The following LRP2BP variants were observed in gnomAD, a reference collection of about 807,000 sequenced individuals.
LRP2BP encodes LRP2 binding protein.
LRP2BP carries 38 observed loss-of-function variants against 45.2 expected under a neutral mutation model. That is an observed-to-expected ratio of 0.84 (90% CI 0.65 to 1.10). The LOEUF (loss-of-function observed/expected upper bound fraction) is 1.10, where lower values mean the gene tolerates loss of function less well. Ranked by LOEUF, LRP2BP falls within the 50% of genes least tolerant of loss-of-function variation. LRP2BP has a pLI of 0.00. For missense variants in LRP2BP, 385 were observed against 418.9 expected (o/e 0.92, Z 0.71); for synonymous variants, 153 against 153.9 (o/e 0.99, Z 0.04).
upstream of LRP2BP, chr4:185,397,015 C>A (rs1469532294): frequency 1.2e-6 from 2 of 1,610,936 alleles, no homozygotes; most frequent in African/African-American, 1.3e-5. Flanking sequence ...GATTCGTCTT[C>A]TCGTTAATGC....
intron 7 of LRP2BP, 127 bp downstream of exon 7, chr4:185,372,729 C>T (rs1561077449): frequency 7.2e-6 from 5 of 697,372 alleles, no homozygotes; most frequent in African/African-American, 1.8e-5. Context: ...ACATGATGGT[C>T]CTCCCCTCTG....
At chr4:185,389,779 G>A (rs1291559896) in intron 1 of LRP2BP, among the ~76,000 whole-genome samples, 1 of 152,168 alleles carries the variant, frequency 6.6e-6, no homozygotes, top group East Asian at 1.9e-4. Flanking sequence ...ACACTGTACA[G>A]TAAACACATT....
chr4:185,382,935 A>G lies in LRP2BP; in HGVS notation c.-21-4728T>C, dbSNP rs531667667. Among the ~76,000 whole-genome samples, 5 of 152,320 alleles carry G rather than the reference A, an allele frequency of 3.3e-5. No homozygotes were observed. In the South Asian group the frequency reaches 6.2e-4, roughly 19 times the overall value. Reference sequence around the variant, plus strand: ...AAAGTTTACCCCTGTGCCTTCTTCTAAGAGTTTTATATTTACTCTTACATT... The same window carrying G: ...AAAGTTTACCCCTGTGCCTTCTTCTGAGAGTTTTATATTTACTCTTACATT... On this transcript the variant is annotated intron_variant, in intron 1 of 8. Transcript: ENST00000505916.
At chr4:185,372,552 G>A (rs1037515236) in intron 7 of LRP2BP, among the ~76,000 whole-genome samples, 9 of 152,200 alleles carry the variant, frequency 5.9e-5, no homozygotes, top group African/African-American at 2.2e-4. Flanking sequence ...TTACTGCTAT[G>A]GTTTGACTAG....
rs2095385352 is a variant in LRP2BP, at chr4:185,365,692, A to AAAT, written c.*1487_*1488insATT. On this transcript the variant is annotated 3_prime_UTR_variant, in exon 9 of 9. Transcript: ENST00000505916. ...GAGACTCCGTCTCAAAAAAAAAAAA[A>AAAT]TAATAATAATAATAATAATAATAAT... The AAAT allele has an allele frequency of 7.2e-6, 1 of 138,800 alleles. No homozygotes were observed. Among genetic ancestry groups the AAAT allele is most frequent in the African/African-American group, 2.8e-5 (1 of 35,602 alleles). 8.6% of individuals were successfully genotyped at this position (138,800 alleles called of 1,614,324 possible). A position where few individuals can be genotyped will look rare whatever the true frequency, so the allele number is the denominator to read the frequency against.
At chr4:185,380,756 CTA>C (rs2095453655) in intron 1 of LRP2BP, among the ~76,000 whole-genome samples, 1 of 152,156 alleles carries the variant, frequency 6.6e-6, no homozygotes, top group African/African-American at 2.4e-5. Flanking sequence ...AGGCCCCAAT[CTA>C]TTTCATTTTT....
intron 1 of LRP2BP, among the ~76,000 whole-genome samples, chr4:185,387,822 C>A (rs2095476101): frequency 6.6e-6 from 1 of 152,218 alleles, no homozygotes; most frequent in Non-Finnish European, 1.5e-5. Context: ...GAAGCCAGCC[C>A]CCAGCCCCGG....
rs571537533 is a variant in LRP2BP at position 185,388,889 on chromosome 4, T to A, written c.-22+5890A>T. 1.2e-4 allele frequency among the ~76,000 whole-genome samples: 19 copies of A among 152,188 alleles called. No homozygotes were observed. The East Asian group carries it at 1.5e-3, about 12-fold the overall frequency. On this transcript the variant is annotated intron_variant, in intron 1 of 8. Coordinates refer to ENST00000505916, the MANE Select transcript of LRP2BP (RefSeq NM_001377440.1). ...TAATAAAATAATAATAATTATTATT[T>A]TTTTTGAGACAGAGTCTTGCTCTGT...
At chr4:185,394,452 A>G (rs2095496574) in intron 1 of LRP2BP, among the ~76,000 whole-genome samples, 1 of 152,188 alleles carries the variant, frequency 6.6e-6, no homozygotes, top group African/African-American at 2.4e-5. Context: ...GATCTCCCTA[A>G]GCCTCAATTT....
intron 1 of LRP2BP, among the ~76,000 whole-genome samples, chr4:185,393,816 A>G (rs1312018557): frequency 6.6e-6 from 1 of 152,020 alleles, no homozygotes; most frequent in Non-Finnish European, 1.5e-5. Context: ...GTGAGCCACC[A>G]CCGCGCCTGA....
chr4:185,392,385 G>A (rs2095490442), intron 1 of LRP2BP, among the ~76,000 whole-genome samples: 1 of 152,150 alleles, frequency 6.6e-6, no homozygotes, highest in Non-Finnish European at 1.5e-5. Context: ...ATATCCTGTT[G>A]CAGCAGTTGT....
At chr4:185,397,131 A>G (rs776350479), upstream of LRP2BP, 1 of 1,612,894 alleles carries the variant, frequency 6.2e-7, no homozygotes, top group South Asian at 1.1e-5. Context: ...AGGGTGCTGG[A>G]TCTGTTCTCT....
Position 185,372,884 on chromosome 4 carries a change from A to G in LRP2BP, c.775T>C (p.Phe259Leu). The part of the protein sequence containing the change: ...LVEYYYKMKF[F>L]TKCVAFSKRI... ...TTGGAAAATGCAACACACTTTGTAA[A>G]AAATTTCATCTTATAGTAATACTCC... is the stretch of plus-strand genomic sequence containing the variant. The change falls in exon 7 of 9, where the codon TTT becomes CTT. Residue 259 changes from phenylalanine (F) to leucine (L), a missense_variant. Coordinates refer to ENST00000505916, the MANE Select transcript of LRP2BP (RefSeq NM_001377440.1). The G allele has an allele frequency of 6.2e-7, 1 of 1,609,294 alleles. No individual in the cohort carries two copies. Among genetic ancestry groups the G allele is most frequent in the Non-Finnish European group, 8.5e-7 (1 of 1,175,922 alleles).
chr4:185,370,968 G>C (rs1340933884), intron 7 of LRP2BP, 154 bp from the exon 8 acceptor site: 1 of 694,370 alleles, frequency 1.4e-6, no homozygotes, highest in East Asian at 2.8e-5. Flanking sequence ...GGTCCATGTA[G>C]GCACCTCATA....
At position 185,376,966 on chromosome 4, in the gene LRP2BP, T is replaced by C. The variant is rs1300280294; in HGVS notation, c.159A>G (p.Arg53=). Residue 53 remains arginine (R), a synonymous_variant, in exon 3 of 9, where the codon AGA becomes AGG. Transcript: ENST00000505916. ...VDKALQLLKE[R]ILKGDTLAYF... ...ATGCCAGAGTGTCTCCTTTCAGTAT[T>C]CTTTCCTTCAAGAGCTGCAATGCCT... is the stretch of plus-strand genomic sequence containing the variant. 2 of 1,614,000 alleles carry C rather than the reference T, an allele frequency of 1.2e-6. No homozygotes were observed. Among genetic ancestry groups the C allele is most frequent in the Non-Finnish European group, 1.7e-6 (2 of 1,179,958 alleles).
intron 7 of LRP2BP, among the ~76,000 whole-genome samples, chr4:185,372,058 C>T (rs748384045): frequency 2.0e-5 from 3 of 152,100 alleles, no homozygotes; most frequent in East Asian, 1.9e-4. Context: ...CGAGAAAAGA[C>T]GTCTTTTATA....
intron 1 of LRP2BP, among the ~76,000 whole-genome samples, chr4:185,388,039 C>T (rs765953343): frequency 2.6e-5 from 4 of 152,214 alleles, no homozygotes; most frequent in African/African-American, 7.2e-5. Context: ...GGGATGCCCC[C>T]GTGGTGTGTA....
intron 1 of LRP2BP, among the ~76,000 whole-genome samples, chr4:185,388,447 G>GCCTACCTACCTACCTATCATCTACCTA (rs1554020573): frequency 6.0e-5 from 9 of 149,632 alleles, no homozygotes; most frequent in Admixed American, 6.0e-4. Flanking sequence ...CTACCTATCT[G>GCCTACCTACCTACCTATCATCTACCTA]CCTACCTACC....
At chr4:185,379,090 T>C (rs1412205376) in intron 1 of LRP2BP, 1 of 535,842 alleles carries the variant, frequency 1.9e-6, no homozygotes, top group Non-Finnish European at 2.4e-6. Flanking sequence ...ATCTTTGTGA[T>C]TTTGGAAGAG....
Sources: allele counts gnomAD v4.1 joint callset (sites outside exome capture counted in the v4.1 genomes callset), GRCh38; gene constraint gnomAD v4.1.1; transcripts MANE v1.5; gene names NCBI Gene and HGNC (gene_info 2026-07-23, HGNC 2026-07-21).